The following AK2 variants were observed in gnomAD, a reference collection of about 807,000 sequenced individuals.
AK2 encodes adenylate kinase 2.
A neutral mutation model predicts 24.6 loss-of-function variants in AK2; 15 were observed. The observed-to-expected ratio is 0.61, with a 90% confidence interval of 0.41 to 0.94. AK2 has a LOEUF of 0.94. Among genes scored for constraint, AK2 ranks in the 40% least tolerant of loss-of-function variants. The pLI, the probability that AK2 is intolerant of heterozygous loss-of-function variation, is 0.00. For synonymous variants in AK2, 102 were observed against 114.0 expected (o/e 0.90, Z 0.67); for missense variants, 257 against 304.1 (o/e 0.85, Z 1.15).
chr1:33,010,925 A>C lies in AK2; in HGVS notation c.*2256T>G. ...GCTGGCATGTAAGCCCCAGCAACCA[A>C]ATGCATTAAACACTGGACATTTCTG... On this transcript the variant is annotated 3_prime_UTR_variant, in exon 6 of 6. Transcript: ENST00000672715. The C allele has an allele frequency of 6.3e-7, 1 of 1,592,866 alleles. No individual in the cohort carries two copies. The highest frequency in any genetic ancestry group is 1.1e-5 in the South Asian group (1 of 88,158).
chr1:33,027,622 C>T (rs916348293), intron 1 of AK2, among the ~76,000 whole-genome samples: 1 of 151,858 alleles, frequency 6.6e-6, no homozygotes, highest in African/African-American at 2.4e-5. Flanking sequence ...GTGGTGGGTG[C>T]TTGTAATCCC....
chr1:33,015,566 C>G (rs1639131979), intron 4 of AK2, among the ~76,000 whole-genome samples: 1 of 152,228 alleles, frequency 6.6e-6, no homozygotes, highest in Non-Finnish European at 1.5e-5. Context: ...TAGACTAGAG[C>G]TCCCTAATAT....
At chr1:33,016,547 T>C (rs2124299750) in intron 4 of AK2, among the ~76,000 whole-genome samples, 1 of 151,960 alleles carries the variant, frequency 6.6e-6, no homozygotes, top group East Asian at 1.9e-4. Flanking sequence ...TCTTGCTCTG[T>C]TGTCCAGGCT....
At chr1:33,034,927 C>T (rs1011835798) in intron 1 of AK2, among the ~76,000 whole-genome samples, 1 of 152,032 alleles carries the variant, frequency 6.6e-6, no homozygotes, top group Non-Finnish European at 1.5e-5. Flanking sequence ...TAGCATGTGC[C>T]TGTACTCCCA....
intron 1 of AK2, among the ~76,000 whole-genome samples, chr1:33,028,388 G>A (rs977818554): frequency 6.6e-6 from 1 of 152,008 alleles, no homozygotes; most frequent in Non-Finnish European, 1.5e-5. Context: ...CCAGTTACTA[G>A]GGAGGCAGAG....
intron 1 of AK2, among the ~76,000 whole-genome samples, chr1:33,034,505 A>T (rs1417756418): frequency 6.6e-6 from 1 of 150,998 alleles, no homozygotes; most frequent in Non-Finnish European, 1.5e-5. Context: ...ATAATTTTCC[A>T]GTATCATTGT....
At chr1:33,034,057 T>C (rs1223426834) in intron 1 of AK2, among the ~76,000 whole-genome samples, 3 of 152,122 alleles carry the variant, frequency 2.0e-5, no homozygotes, top group African/African-American at 7.2e-5. Flanking sequence ...CATTTTTTTG[T>C]AGAGATGGGG....
At chr1:33,034,009 G>A (rs926283499) in intron 1 of AK2, among the ~76,000 whole-genome samples, 4 of 152,088 alleles carry the variant, frequency 2.6e-5, no homozygotes, top group Non-Finnish European at 4.4e-5. Context: ...GAATAGCTGG[G>A]ACTACAGGCA....
At chr1:33,035,334 C>A in intron 1 of AK2, among the ~76,000 whole-genome samples, 1 of 152,288 alleles carries the variant, frequency 6.6e-6, no homozygotes, top group East Asian at 1.9e-4. Flanking sequence ...CTTTATCACC[C>A]ACATTAATCT....
chr1:33,031,042 T>G (rs1426340548), intron 1 of AK2: 1 of 152,156 alleles, frequency 6.6e-6, no homozygotes, highest in Non-Finnish European at 1.5e-5. Context: ...CAGAAACCTG[T>G]GTTTGCATTT....
At chr1:33,024,386 C>T in intron 2 of AK2, 56 bp downstream of exon 2, 1 of 1,609,614 alleles carries the variant, frequency 6.2e-7, no homozygotes, top group Non-Finnish European at 8.5e-7. Flanking sequence ...CCATATTGGA[C>T]AGTGCAGATC....
At chr1:33,023,836 G>A (rs1037630553) in intron 2 of AK2, among the ~76,000 whole-genome samples, 1 of 152,120 alleles carries the variant, frequency 6.6e-6, no homozygotes, top group African/African-American at 2.4e-5. Flanking sequence ...CTATGAATGA[G>A]TGCCATAAAT....
intron 4 of AK2, chr1:33,020,102 A>G (rs1407463812): frequency 6.5e-7 from 1 of 1,535,342 alleles, no homozygotes; most frequent in Admixed American, 2.0e-5. Flanking sequence ...TGTAGGCTAA[A>G]GCAGTGTTGG....
intron 4 of AK2, among the ~76,000 whole-genome samples, chr1:33,018,373 C>T (rs772950894): frequency 7.9e-5 from 12 of 151,916 alleles, no homozygotes; most frequent in Non-Finnish European, 1.5e-4. Flanking sequence ...TTCAAACAGC[C>T]GACATCTGTG....
In AK2 at chr1:33,012,400, T is replaced by G. The variant is rs1258083077; in HGVS notation, c.*781A>C. The G allele has an allele frequency of 6.6e-7, 1 of 1,506,100 alleles. No homozygotes were observed. The highest frequency in any genetic ancestry group is 2.6e-5 in the East Asian group (1 of 38,566). 93.3% of individuals were successfully genotyped at this position (1,506,100 alleles called of 1,614,324 possible). A position where few individuals can be genotyped will look rare whatever the true frequency, so the allele number is the denominator to read the frequency against. Reference sequence around the variant, plus strand: ...CACTGACTCACGTGGGTTTTCATCATGGGTTAGAAAACAAAATGGAATTCT... The same window carrying G: ...CACTGACTCACGTGGGTTTTCATCAGGGGTTAGAAAACAAAATGGAATTCT... On this transcript the variant is annotated 3_prime_UTR_variant, in exon 6 of 6. Coordinates refer to ENST00000672715, the MANE Select transcript of AK2 (RefSeq NM_001625.4).
chr1:33,017,123 G>T (rs528175930), intron 4 of AK2, among the ~76,000 whole-genome samples: 2 of 152,262 alleles, frequency 1.3e-5, no homozygotes, highest in South Asian at 2.1e-4. Context: ...GCCATGTAAA[G>T]AATTGATATA....
chr1:33,024,168 C>CAA, intron 2 of AK2: 5 of 343,374 alleles, frequency 1.5e-5, no homozygotes, highest in Admixed American at 4.2e-5. Context: ...GAGACTTTGT[C>CAA]AAAAAAAAAA....
At chr1:33,036,676 C>A in intron 1 of AK2, 60 bp downstream of exon 1, 2 of 1,477,100 alleles carry the variant, frequency 1.4e-6, no homozygotes, top group South Asian at 2.4e-5. Context: ...TCTAGATCTC[C>A]GGCCGCCTTG....
intron 1 of AK2, among the ~76,000 whole-genome samples, chr1:33,036,526 C>T (rs1409123675): frequency 6.6e-6 from 1 of 152,232 alleles, no homozygotes; most frequent in Non-Finnish European, 1.5e-5. Flanking sequence ...ACACTGAATC[C>T]CTCGGGCACT....
Sources: gnomAD v4.1 joint callset for allele counts (sites outside exome capture counted in the v4.1 genomes callset) on GRCh38, gnomAD v4.1.1 for gene constraint, MANE v1.5 for transcripts, NCBI Gene and HGNC (gene_info 2026-07-23, HGNC 2026-07-21) for gene names.